The following INAVA variants were observed in gnomAD, a reference collection of about 807,000 sequenced individuals.
INAVA encodes innate immunity activator protein.
A neutral mutation model predicts 55.3 loss-of-function variants in INAVA; 32 were observed. That is an observed-to-expected ratio of 0.58 (90% CI 0.44 to 0.78). The LOEUF (loss-of-function observed/expected upper bound fraction) is 0.78. INAVA is among the 30% of genes least tolerant of loss of function. The pLI is 0.00. For missense variants in INAVA, 756 were observed against 786.4 expected, an observed-to-expected ratio of 0.96 and a Z score of 0.46; for synonymous variants, 294 against 329.4, an observed-to-expected ratio of 0.89 and a Z score of 1.16.
At chr1:200,909,830 T>C (rs183913178) in intron 8 of INAVA, among the ~76,000 whole-genome samples, 432 of 152,252 alleles carry the variant, frequency 2.8e-3, no homozygotes, top group African/African-American at 9.7e-3. Context: ...CCTGGGGAAA[T>C]ATAGGGTTAG....
rs913396786 is a variant in INAVA at position 200,898,238 on chromosome 1, A to C, written c.-94-69A>C. The C allele has an allele frequency of 1.2e-5, 18 of 1,527,320 alleles. No homozygotes were observed. In the African/African-American group the frequency reaches 2.5e-4, roughly 21 times the overall value. The allele number at this position is 1,527,320 out of a possible 1,614,324, so 94.6% of individuals were successfully genotyped here. ...TCCACTCCCCTGCTCTCAAGCATCT[A>C]TTCAGCTTTTTGTAACCAAGATGGT... On this transcript the variant is annotated intron_variant, in intron 1 of 9. Transcript: ENST00000413687.
At chr1:200,910,636 T>C (rs1320772916) in intron 8 of INAVA, among the ~76,000 whole-genome samples, 2 of 152,228 alleles carry the variant, frequency 1.3e-5, no homozygotes, top group Non-Finnish European at 2.9e-5. Context: ...GCCTAGAGTA[T>C]AGTGGCGCAA....
chr1:200,893,155 A>C (rs1668270073), upstream of INAVA, among the ~76,000 whole-genome samples: 1 of 152,214 alleles, frequency 6.6e-6, no homozygotes, highest in African/African-American at 2.4e-5. Flanking sequence ...CTTTGCCATT[A>C]ATAGAATTCA....
chr1:200,913,098 C>G (rs1653816454), intron 9 of INAVA, among the ~76,000 whole-genome samples: 1 of 152,210 alleles, frequency 6.6e-6, no homozygotes, highest in Admixed American at 6.5e-5. Flanking sequence ...CTGCGTGTCC[C>G]TCCCCCACCC....
intron 5 of INAVA, among the ~76,000 whole-genome samples, chr1:200,902,572 T>C (rs1243826154): frequency 6.6e-6 from 1 of 152,220 alleles, no homozygotes; most frequent in African/African-American, 2.4e-5. Context: ...GGAAGACAAG[T>C]TCTACAACCT....
chr1:200,892,870 C>A (rs770349161), upstream of INAVA, among the ~76,000 whole-genome samples: 2 of 152,170 alleles, frequency 1.3e-5, no homozygotes, highest in Non-Finnish European at 2.9e-5. Flanking sequence ...TTTGGGGGAG[C>A]AAGGTGTTTT....
chr1:200,906,002 T>C (rs1387279803), intron 5 of INAVA, among the ~76,000 whole-genome samples: 2 of 152,232 alleles, frequency 1.3e-5, no homozygotes, highest in African/African-American at 4.8e-5. Flanking sequence ...ACTCAACTCC[T>C]CTGAGACGTG....
chr1:200,894,542 C>T (rs1203216340), upstream of INAVA, among the ~76,000 whole-genome samples: 1 of 152,148 alleles, frequency 6.6e-6, no homozygotes, highest in Non-Finnish European at 1.5e-5. Context: ...GGACAGTGGA[C>T]ATTTCACCTT....
chr1:200,895,851 T>C (rs1571858049), intron 1 of INAVA, among the ~76,000 whole-genome samples: 1 of 152,286 alleles, frequency 6.6e-6, no homozygotes, highest in Admixed American at 6.5e-5. Context: ...GCCTGGTGAC[T>C]TCCCCAAGGT....
chr1:200,901,479 G>A (rs1384480713), intron 5 of INAVA, among the ~76,000 whole-genome samples: 1 of 152,246 alleles, frequency 6.6e-6, no homozygotes, highest in Non-Finnish European at 1.5e-5. Context: ...ATTCAACTGG[G>A]TAGCCCAGGC....
Position 200,895,084 on chromosome 1 carries a change from G to A in INAVA, c.-98G>A. ...TCAACTCCTGGACTAAAGCCCAGAA[G>A]CAGGTGAGGGCGGGGGAGGTGGAAT... On this transcript the variant is annotated 5_prime_UTR_variant, in exon 1 of 10. Coordinates refer to ENST00000413687, the MANE Select transcript of INAVA (RefSeq NM_001142569.3). The A allele has an allele frequency of 1.0e-6, 1 of 985,704 alleles. No individual in the cohort carries two copies. The highest frequency in any genetic ancestry group is 1.2e-6 in the Non-Finnish European group (1 of 830,160). The allele number at this position is 985,704 out of a possible 1,614,324, so 61.1% of individuals were successfully genotyped here.
chr1:200,892,203 T>C (rs1668252038), upstream of INAVA, among the ~76,000 whole-genome samples: 1 of 152,198 alleles, frequency 6.6e-6, no homozygotes, highest in African/African-American at 2.4e-5. Context: ...CCCTCTTGCC[T>C]GGAGGGTCCC....
rs1030955511 is a variant in INAVA, at chr1:200,914,208, G to A, written c.*579G>A. ...TCAAAGGTCAGTATATCCCGGTGGT[G>A]TATTGTCTTGCTAGACCCTGCTATT... On this transcript the variant is annotated 3_prime_UTR_variant, in exon 10 of 10. Coordinates refer to ENST00000413687, the MANE Select transcript of INAVA (RefSeq NM_001142569.3). 6.5e-6 allele frequency: 1 copy of A among 152,752 alleles called. No individual in the cohort carries two copies. Among genetic ancestry groups the A allele is most frequent in the South Asian group, 2.1e-4 (1 of 4,832 alleles). 9.5% of individuals were successfully genotyped at this position (152,752 alleles called of 1,614,324 possible). A position where few individuals can be genotyped will look rare whatever the true frequency, so the allele number is the denominator to read the frequency against.
intron 5 of INAVA, among the ~76,000 whole-genome samples, chr1:200,901,505 C>T (rs1386068107): frequency 3.3e-5 from 5 of 152,238 alleles, no homozygotes; most frequent in Admixed American, 2.6e-4. Context: ...CCGCTGCCCT[C>T]CAGGCCCACA....
intron 8 of INAVA, among the ~76,000 whole-genome samples, chr1:200,910,137 C>G (rs1399118969): frequency 1.3e-5 from 2 of 152,162 alleles, no homozygotes; most frequent in Non-Finnish European, 2.9e-5. Context: ...CAAAAACACA[C>G]ACAGTACATA....
At chr1:200,911,248 G>A (rs1038901529) in intron 8 of INAVA, among the ~76,000 whole-genome samples, 5 of 152,122 alleles carry the variant, frequency 3.3e-5, no homozygotes, top group Admixed American at 1.3e-4. Flanking sequence ...TTTGCACACA[G>A]GGAAGGAATG....
In INAVA at chr1:200,901,066, G is replaced by A; in HGVS notation, c.427G>A (p.Glu143Lys). The A allele has an allele frequency of 6.5e-7, 1 of 1,543,504 alleles. No homozygotes were observed. The highest frequency in any genetic ancestry group is 8.7e-7 in the Non-Finnish European group (1 of 1,146,428). ...RRQRKHSMLQ[E>K]EKKLQELQRC... ...GCAGCGGAAGCACTCCATGCTGCAG[G>A]AGGAGAAGAAGCTGCAGGAGCTCCA... is the stretch of plus-strand genomic sequence containing the variant. Residue 143 changes from glutamate to lysine, a missense_variant, in exon 5 of 10, where the codon GAG becomes AAG. Physicochemically the swap from Glu to Lys is moderately conservative, Grantham distance 56 (BLOSUM62 1). Coordinates refer to ENST00000413687, the MANE Select transcript of INAVA (RefSeq NM_001142569.3).
Position 200,911,677 on chromosome 1 carries a change from T to C in INAVA, c.1184T>C (p.Leu395Pro). 1 of 1,614,002 alleles carries C rather than the reference T, an allele frequency of 6.2e-7. No homozygotes were observed. The highest frequency in any genetic ancestry group is 8.5e-7 in the Non-Finnish European group (1 of 1,179,942). Reference sequence around the variant, plus strand: ...AGCAGCAGCCCCGACATCTCCTTTCTGCAGCCTCTCTCCCCTCCCAAGACC... The same window carrying C: ...AGCAGCAGCCCCGACATCTCCTTTCCGCAGCCTCTCTCCCCTCCCAAGACC... ...PGSSSPDISF[L>P]QPLSPPKTHR... The change falls in exon 9 of 10, where the codon CTG becomes CCG. Residue 395 changes from leucine (L) to proline (P), a missense_variant. Physicochemically the swap from Leu to Pro is moderately conservative, Grantham distance 98 (BLOSUM62 -3). Coordinates refer to ENST00000413687, the MANE Select transcript of INAVA (RefSeq NM_001142569.3).
intron 8 of INAVA, 32 bp from the exon 9 acceptor site, chr1:200,911,421 C>A: frequency 6.3e-6 from 10 of 1,582,122 alleles, no homozygotes; most frequent in Middle Eastern, 1.7e-4. Flanking sequence ...TTCTGCCCCC[C>A]ACACTCAGAA....
Sources: gnomAD v4.1 joint callset for allele counts (sites outside exome capture counted in the v4.1 genomes callset) on GRCh38, gnomAD v4.1.1 for gene constraint, MANE v1.5 for transcripts, NCBI Gene and HGNC (gene_info 2026-07-23, HGNC 2026-07-21) for gene names.